C18orf32: variants seen among roughly 807,000 people sequenced by gnomAD.
The protein encoded by C18orf32 is UPF0729 protein C18orf32.
C18orf32 carries 5 observed loss-of-function variants against 7.4 expected under a neutral mutation model. The ratio of observed to expected loss-of-function variants is 0.68; its 90% CI spans 0.35 to 1.42. The LOEUF (loss-of-function observed/expected upper bound fraction) is 1.42. Among genes scored for constraint, C18orf32 ranks in the 40% most tolerant of loss-of-function variants. C18orf32 has a pLI of 0.04. For missense variants in C18orf32, 88 were observed against 92.4 expected (o/e 0.95, Z 0.19); for synonymous variants, 30 against 29.3 (o/e 1.02, Z -0.08).
chr18:49,482,673 G>A (rs572193987), intron 2 of C18orf32, among the ~76,000 whole-genome samples: 1 of 149,690 alleles, frequency 6.7e-6, no homozygotes. Context: ...GTTGTGGTGA[G>A]CCAAGATTAT....
chr18:49,481,936 A>G lies in C18orf32; in HGVS notation c.*409T>C, dbSNP rs2083666548. On this transcript the variant is annotated 3_prime_UTR_variant, in exon 3 of 3. Transcript: ENST00000318240. ...TACCTTCATTTCCCTGCACAGTTTC[A>G]CTGGACTGTTTCACAACAAAATTGT... The G allele has an allele frequency of 1.0e-5, 2 of 196,672 alleles. No homozygotes were observed. Among genetic ancestry groups the G allele is most frequent in the African/African-American group, 4.8e-5 (2 of 41,720 alleles). The allele number at this position is 196,672 out of a possible 1,614,324, so 12.2% of individuals were successfully genotyped here.
rs777139159 is a variant in C18orf32 at position 49,483,739 on chromosome 18, T to C, written c.10A>G (p.Ile4Val). Reference protein sequence around the residue: MVCIPCIVIPVLLW... With the variant: MVCVPCIVIPVLLW... ...AGAACTGGAATGACGATACAAGGAA[T>C]GCACACCATTTTCCCAAGCTTGAGC... Residue 4 changes from isoleucine to valine, a missense_variant, in exon 2 of 3, where the codon ATT (isoleucine) becomes GTT (valine). Transcript: ENST00000318240. 1.9e-6 allele frequency: 3 copies of C among 1,609,162 alleles called. No homozygotes were observed. Among genetic ancestry groups the C allele is most frequent in the South Asian group, 1.1e-5 (1 of 89,646 alleles).
At chr18:49,486,396 C>T in intron 1 of C18orf32, 1 of 152,170 alleles carries the variant, frequency 6.6e-6, no homozygotes, top group East Asian at 1.9e-4. Context: ...GTACGATGTA[C>T]ATAAACTCTC....
rs943990297 is a variant in C18orf32 at position 49,479,689 on chromosome 18, T to G, written c.*2656A>C. 6.6e-6 allele frequency: 1 copy of G among 152,258 alleles called. No homozygotes were observed. Among genetic ancestry groups the G allele is most frequent in the African/African-American group, 2.4e-5 (1 of 41,428 alleles). 9.4% of individuals were successfully genotyped at this position (152,258 alleles called of 1,614,324 possible). ...TGGCTGAGGAACAGTTGGCCTGAGG[T>G]GACCTTGCAGAGAGAGGGCCAAGGG... On this transcript the variant is annotated 3_prime_UTR_variant, in exon 3 of 3. Coordinates refer to ENST00000318240, the MANE Select transcript of C18orf32 (RefSeq NM_001035005.4).
At chr18:49,483,906 G>A in intron 1 of C18orf32, 135 bp from the exon 2 acceptor site, 1 of 1,039,982 alleles carries the variant, frequency 9.6e-7, no homozygotes, top group Non-Finnish European at 1.3e-6. Flanking sequence ...GGAGGCAAGA[G>A]GATAGCTTGA....
At position 49,477,516 on chromosome 18, in the gene C18orf32, A is replaced by AT. The variant is rs1167289533; in HGVS notation, c.*4828dup. 2 of 150,456 alleles carry AT rather than the reference A, an allele frequency of 1.3e-5. No individual in the cohort carries two copies. The highest frequency in any genetic ancestry group is 5.0e-5 in the African/African-American group (2 of 39,694). The allele number at this position is 150,456 out of a possible 1,614,324, so 9.3% of individuals were successfully genotyped here. The stretch of plus-strand genomic sequence containing the variant: ...GCTGTGGCAGCCGGGCCCAGTGCTT[A>AT]TGCCTGTGATCCCAGCACTTTGGGA... On this transcript the variant is annotated 3_prime_UTR_variant, in exon 3 of 3. Coordinates refer to ENST00000318240, the MANE Select transcript of C18orf32 (RefSeq NM_001035005.4).
In C18orf32 at chr18:49,482,153, T is replaced by C. The variant is rs1473700422; in HGVS notation, c.*192A>G. 2 of 546,796 alleles carry C rather than the reference T, an allele frequency of 3.7e-6. No individual in the cohort carries two copies. The highest frequency in any genetic ancestry group is 3.9e-5 in the African/African-American group (2 of 51,386). 33.9% of individuals were successfully genotyped at this position (546,796 alleles called of 1,614,324 possible). Reference sequence around the variant, plus strand: ...CATTAACGAAAAAGGAACTTAGGAATGAGGTCATTAAATATAACTAACTAC... The same window carrying C: ...CATTAACGAAAAAGGAACTTAGGAACGAGGTCATTAAATATAACTAACTAC... On this transcript the variant is annotated 3_prime_UTR_variant, in exon 3 of 3. Transcript: ENST00000318240.
chr18:49,483,030 C>G (rs1370219554), intron 2 of C18orf32, among the ~76,000 whole-genome samples: 1 of 152,022 alleles, frequency 6.6e-6, no homozygotes, highest in Middle Eastern at 3.2e-3. Context: ...AACTCCTGAC[C>G]TCAGGTGATC....
chr18:49,483,551 CT>C, intron 2 of C18orf32, 32 bp downstream of exon 2: 2 of 1,548,500 alleles, frequency 1.3e-6, no homozygotes, highest in Non-Finnish European at 1.7e-6. Context: ...CCCCCTTTCA[CT>C]GCTCTTATTC....
chr18:49,486,626 G>C (rs764713476), intron 1 of C18orf32: 3 of 151,854 alleles, frequency 2.0e-5, no homozygotes, highest in Non-Finnish European at 4.4e-5. Flanking sequence ...CCAACAAAGC[G>C]AGCAAAACGG....
rs762567484 is a variant in C18orf32 at position 49,483,768 on chromosome 18, T to C, written c.-20A>G. Reference sequence around the variant, plus strand: ...CACCATTTTCCCAAGCTTGAGCTCCTCAACTGTTGATATATGTGAAGAAAA... The same window carrying C: ...CACCATTTTCCCAAGCTTGAGCTCCCCAACTGTTGATATATGTGAAGAAAA... On this transcript the variant is annotated 5_prime_UTR_variant, in exon 2 of 3. Transcript: ENST00000318240. 1 of 1,598,490 alleles carries C rather than the reference T, an allele frequency of 6.3e-7. No homozygotes were observed. Among genetic ancestry groups the C allele is most frequent in the Non-Finnish European group, 8.5e-7 (1 of 1,176,762 alleles).
In C18orf32 at chr18:49,481,246, T is replaced by C. The variant is rs906014271; in HGVS notation, c.*1099A>G. 17 of 126,220 alleles carry C rather than the reference T, an allele frequency of 1.3e-4. No individual in the cohort carries two copies. Among genetic ancestry groups the C allele is most frequent in the African/African-American group, 4.7e-4 (15 of 31,804 alleles). The allele number at this position is 126,220 out of a possible 1,614,324, so 7.8% of individuals were successfully genotyped here. On this transcript the variant is annotated 3_prime_UTR_variant, in exon 3 of 3. Coordinates refer to ENST00000318240, the MANE Select transcript of C18orf32 (RefSeq NM_001035005.4). Reference sequence around the variant, plus strand: ...TGACTTGACCAGCCACAGAACTTAATAGAGCCTGAGTTAGGACCCAGACTT... The same window carrying C: ...TGACTTGACCAGCCACAGAACTTAACAGAGCCTGAGTTAGGACCCAGACTT...
intron 1 of C18orf32, chr18:49,485,863 C>A (rs1027030394): frequency 3.9e-5 from 6 of 152,022 alleles, no homozygotes; most frequent in Non-Finnish European, 8.8e-5. Context: ...CTCAAATGAT[C>A]CTCCCGCCTA....
rs902675777 is a variant in C18orf32 at position 49,478,886 on chromosome 18, G to A, written c.*3459C>T. On this transcript the variant is annotated 3_prime_UTR_variant, in exon 3 of 3. Coordinates refer to ENST00000318240, the MANE Select transcript of C18orf32 (RefSeq NM_001035005.4). ...TTTCATACGCTTATTCAAACTGATG[G>A]CTATTTTTGTCCACTATTCCCATGT... 1 of 140,810 alleles carries A rather than the reference G, an allele frequency of 7.1e-6. No homozygotes were observed. The highest frequency in any genetic ancestry group is 6.8e-5 in the Admixed American group (1 of 14,776). 8.7% of individuals were successfully genotyped at this position (140,810 alleles called of 1,614,324 possible). A position where few individuals can be genotyped will look rare whatever the true frequency, so the allele number is the denominator to read the frequency against.
rs373778829 is a variant in C18orf32 at position 49,483,724 on chromosome 18, T to C, written c.25A>G (p.Ile9Val). The change falls in exon 2 of 3, where the codon ATT (isoleucine) becomes GTT (valine). Residue 9 changes from isoleucine (I) to valine (V), a missense_variant. Physicochemically the swap from Ile to Val is conservative, Grantham distance 29 (BLOSUM62 3). Transcript: ENST00000318240. The part of the protein sequence containing the change: MVCIPCIV[I>V]PVLLWIYKKF... ...TTGTAGATCCAGAGCAGAACTGGAA[T>C]GACGATACAAGGAATGCACACCATT... is the stretch of plus-strand genomic sequence containing the variant. 8.7e-6 allele frequency: 14 copies of C among 1,611,578 alleles called. No individual in the cohort carries two copies. The highest frequency in any genetic ancestry group is 8.5e-5 in the Admixed American group (5 of 59,116).
chr18:49,485,435 T>C (rs935521390), intron 1 of C18orf32, among the ~76,000 whole-genome samples: 27 of 152,048 alleles, frequency 1.8e-4, no homozygotes, highest in African/African-American at 6.0e-4. Flanking sequence ...GCACCTGTAA[T>C]CCCAGCTACT....
chr18:49,485,800 T>G (rs73447760), intron 1 of C18orf32, among the ~76,000 whole-genome samples: 11,050 of 152,116 alleles, frequency 0.073, 468 homozygotes, highest in African/African-American at 0.11. Flanking sequence ...TTTTTAATTC[T>G]TAGTAGAGAT....
chr18:49,485,991 G>A (rs2083738575), intron 1 of C18orf32: 1 of 150,796 alleles, frequency 6.6e-6, no homozygotes, highest in Non-Finnish European at 1.5e-5. Flanking sequence ...AGGAAGGAGA[G>A]AACCGCTTGC....
At chr18:49,486,525 T>A (rs529405173) in intron 1 of C18orf32, 102 of 152,080 alleles carry the variant, frequency 6.7e-4, no homozygotes, top group African/African-American at 2.4e-3. Flanking sequence ...AATACTTCGG[T>A]AAGATATTTT....
Sources: allele counts gnomAD v4.1 joint callset (sites outside exome capture counted in the v4.1 genomes callset), GRCh38; gene constraint gnomAD v4.1.1; transcripts MANE v1.5; gene names NCBI Gene and HGNC (gene_info 2026-07-23, HGNC 2026-07-21).